CCDC7: variants seen among roughly 807,000 people sequenced by gnomAD.
CCDC7 encodes the protein coiled-coil domain containing 7.
In CCDC7, 183 loss-of-function variants were observed where a neutral mutation model predicts 196.9. The observed-to-expected ratio is 0.93, with a 90% CI of 0.82 to 1.05. CCDC7 has a LOEUF of 1.05. Ranked by LOEUF, CCDC7 falls within the 50% of genes least tolerant of loss-of-function variation. The pLI, the probability that CCDC7 is intolerant of heterozygous loss-of-function variation, is 0.00. For missense variants in CCDC7, 1,540 were observed against 1,482.2 expected, an observed-to-expected ratio of 1.04 and a Z score of -0.64; for synonymous variants, 525 against 484.6, an observed-to-expected ratio of 1.08 and a Z score of -1.10.
At chr10:32,651,310 TC>T (rs1213090226) in intron 20 of CCDC7, among the ~76,000 whole-genome samples, 1 of 152,204 alleles carries the variant, frequency 6.6e-6, no homozygotes, top group Non-Finnish European at 1.5e-5. Flanking sequence ...CAACTTGGGT[TC>T]CCAGCTTCCT....
At chr10:32,832,656 G>A (rs1238751404) in intron 32 of CCDC7, among the ~76,000 whole-genome samples, 1 of 151,850 alleles carries the variant, frequency 6.6e-6, no homozygotes, top group Non-Finnish European at 1.5e-5. Context: ...GTTGGTATCA[G>A]GCCGTGTTAT....
chr10:32,497,325 A>G (rs1056111233), intron 9 of CCDC7, among the ~76,000 whole-genome samples: 5 of 151,950 alleles, frequency 3.3e-5, no homozygotes, highest in African/African-American at 9.7e-5. Context: ...TATTTTGTTG[A>G]TCTTTTCAAA....
At position 32,674,120 on chromosome 10, in the gene CCDC7, T is replaced by TTA. The variant is rs1328233725; in HGVS notation, c.2122+9960_2122+9961insAT. Among the ~76,000 whole-genome samples the TTA allele has an allele frequency of 1.3e-4, 19 of 147,428 alleles. No individual in the cohort carries two copies. In the South Asian group the frequency reaches 2.5e-3, roughly 20 times the overall value. On this transcript the variant is annotated intron_variant, in intron 21 of 41. Transcript: ENST00000639629. Reference sequence around the variant, plus strand: ...TATTTTATTTATTTCTGTTCTAATTTTGTTTTTTTTTCTGTGAACTTTGGC... The same window carrying TTA: ...TATTTTATTTATTTCTGTTCTAATTTTATGTTTTTTTTTCTGTGAACTTTGGC...
exon 23 of CCDC7, chr10:32,689,121 C>G: frequency 1.9e-6 from 3 of 1,606,064 alleles, no homozygotes; most frequent in South Asian, 2.2e-5. Context: ...ATCAGAAATG[C>G]AAGTGAAGGA....
intron 8 of CCDC7, among the ~76,000 whole-genome samples, chr10:32,490,640 C>CA (rs1255067555): frequency 6.6e-6 from 1 of 152,000 alleles, no homozygotes; most frequent in East Asian, 1.9e-4. Context: ...ACTAAAAATA[C>CA]AAAAAAATTA....
intron 20 of CCDC7, among the ~76,000 whole-genome samples, chr10:32,657,825 C>G: frequency 6.6e-6 from 1 of 152,148 alleles, no homozygotes; most frequent in East Asian, 1.9e-4. Flanking sequence ...GCAAATTTTT[C>G]AAACTTTTAT....
At chr10:32,789,096 CTT>C (rs35122018) in intron 29 of CCDC7, among the ~76,000 whole-genome samples, 24 of 124,702 alleles carry the variant, frequency 1.9e-4, no homozygotes, top group Admixed American at 3.4e-4. Flanking sequence ...CGGTAAAGGG[CTT>C]TTTTTTTTTT....
chr10:32,667,427 G>T (rs892527266), intron 21 of CCDC7, among the ~76,000 whole-genome samples: 1 of 152,128 alleles, frequency 6.6e-6, no homozygotes, highest in East Asian at 1.9e-4. Flanking sequence ...TGGTGTTTTA[G>T]ACATGAAGTC....
At chr10:32,702,446 G>A (rs1429008842) in intron 24 of CCDC7, among the ~76,000 whole-genome samples, 2 of 152,056 alleles carry the variant, frequency 1.3e-5, no homozygotes, top group African/African-American at 2.4e-5. Context: ...CCAACTATGT[G>A]GTCAATTTTC....
chr10:32,764,245 C>T (rs1009354514), intron 28 of CCDC7, among the ~76,000 whole-genome samples: 1 of 149,634 alleles, frequency 6.7e-6, no homozygotes, highest in African/African-American at 2.5e-5. Flanking sequence ...TATAATTAGA[C>T]ACAAGTCCCA....
At chr10:32,667,849 C>A (rs988124862) in intron 21 of CCDC7, among the ~76,000 whole-genome samples, 1 of 152,072 alleles carries the variant, frequency 6.6e-6, no homozygotes, top group African/African-American at 2.4e-5. Context: ...CTTGGCAATG[C>A]AGGCTCTTTT....
At chr10:32,584,377 A>G in intron 18 of CCDC7, 73 bp downstream of exon 19, 1 of 988,174 alleles carries the variant, frequency 1.0e-6, no homozygotes, top group South Asian at 1.7e-5. Flanking sequence ...AATTATAAAT[A>G]AATGAGGGGA....
Position 32,873,910 on chromosome 10 carries a change from T to A in CCDC7, c.4112-2437T>A, listed in dbSNP as rs894445655. On this transcript the variant is annotated intron_variant, in intron 41 of 41. Coordinates refer to ENST00000639629, the Ensembl canonical transcript of CCDC7. ...CATTTGTTATTGTCTGTCTGTCTTA[T>A]GATAGTCATTGTAGCAGGTATGAAT... is the stretch of plus-strand genomic sequence containing the variant. Among the ~76,000 whole-genome samples the A allele has an allele frequency of 2.6e-5, 4 of 151,862 alleles. No homozygotes were observed. The Admixed American group carries it at 2.6e-4, about 10-fold the overall frequency.
At chr10:32,711,269 T>C (rs1444703283) in intron 24 of CCDC7, among the ~76,000 whole-genome samples, 1 of 152,030 alleles carries the variant, frequency 6.6e-6, no homozygotes, top group African/African-American at 2.4e-5. Context: ...TCAATGGTTT[T>C]GAATACTTTG....
At chr10:32,469,993 G>A (rs758011687) in intron 5 of CCDC7, among the ~76,000 whole-genome samples, 5 of 152,018 alleles carry the variant, frequency 3.3e-5, no homozygotes, top group Admixed American at 6.6e-5. Context: ...TATGATTTGC[G>A]GCTTCTTATT....
In CCDC7 at chr10:32,565,733, T is replaced by C. The variant is rs1265960994; in HGVS notation, c.1197+113T>C. The C allele has an allele frequency of 1.4e-5, 16 of 1,156,062 alleles. No individual in the cohort carries two copies. In the South Asian group the frequency reaches 2.8e-4, roughly 20 times the overall value. 71.6% of individuals were successfully genotyped at this position (1,156,062 alleles called of 1,614,324 possible). A position where few individuals can be genotyped will look rare whatever the true frequency, so the allele number is the denominator to read the frequency against. ...AAGCTAAGAGGTCTACATATTCTAC[T>C]ATTTGGCTAGGTTTAAACTATATTC... is the stretch of plus-strand genomic sequence containing the variant. On this transcript the variant is annotated intron_variant, in intron 14 of 41. Transcript: ENST00000639629.
At chr10:32,455,805 T>C (rs1264085991) in intron 2 of CCDC7, among the ~76,000 whole-genome samples, 5 of 152,264 alleles carry the variant, frequency 3.3e-5, no homozygotes, top group Non-Finnish European at 7.3e-5. Flanking sequence ...TTCCTCAAAG[T>C]TGTGTATTGC....
chr10:32,731,555 T>G (rs917286672), intron 28 of CCDC7, among the ~76,000 whole-genome samples: 2 of 152,230 alleles, frequency 1.3e-5, no homozygotes, highest in African/African-American at 4.8e-5. Context: ...ATAAAAACTT[T>G]TTAAAATGTG....
intron 9 of CCDC7, among the ~76,000 whole-genome samples, chr10:32,506,788 G>T (rs1417516033): frequency 7.0e-6 from 1 of 142,568 alleles, no homozygotes; most frequent in Non-Finnish European, 1.5e-5. Flanking sequence ...AGGCAGGGAG[G>T]TTGCAGCAAG....
Sources: allele counts gnomAD v4.1 joint callset (sites outside exome capture counted in the v4.1 genomes callset), GRCh38; gene constraint gnomAD v4.1.1; transcripts MANE v1.5; gene names NCBI Gene and HGNC (gene_info 2026-07-23, HGNC 2026-07-21).